TTN: variants seen among roughly 807,000 people sequenced by gnomAD.
The protein encoded by TTN is titin, also known as connectin.
Under a neutral mutation model 3,223.0 loss-of-function variants are expected in TTN, and 1,525 were observed. The ratio of observed to expected loss-of-function variants is 0.47; its 90% CI spans 0.45 to 0.49. The LOEUF is 0.49. Among genes scored for constraint, TTN ranks in the 20% least tolerant of loss-of-function variants. The pLI, the probability that TTN is intolerant of heterozygous loss-of-function variation, is 0.00. For missense variants in TTN, 40,786 were observed against 43,424.0 expected (o/e 0.94, Z 5.40); for synonymous variants, 14,094 against 15,161.0 (o/e 0.93, Z 5.17).
rs1488554546 is a variant in TTN, at chr2:178,588,973, C to G, written c.62752G>C (p.Val20918Leu). The G allele has an allele frequency of 3.1e-6, 5 of 1,612,370 alleles. No homozygotes were observed. The highest frequency in any genetic ancestry group is 4.2e-6 in the Non-Finnish European group (5 of 1,179,352). The change falls in exon 304 of 363, where the codon GTC (valine) becomes CTC (leucine). Residue 20918 changes from valine to leucine, a missense_variant. Transcript: ENST00000589042. ...GTTACTGTAGTACCAGGTGTCAAGA[C>G]AGTAGCAGAATAGGTAGACCAAACC... ...RMVWSTYSAT[V>L]LTPGTTVTRL...
In TTN at chr2:178,695,918, T is replaced by C. The variant is rs983453528; in HGVS notation, c.31154A>G (p.Glu10385Gly). The change falls in exon 114 of 363, where the codon GAA becomes GGA. Residue 10385 changes from glutamate (E) to glycine (G), a missense_variant. Physicochemically the swap from Glu to Gly is moderately conservative, Grantham distance 98 (BLOSUM62 -2). Transcript: ENST00000589042. Reference protein sequence around the residue: ...EGYDEGEEEWEEAYQEREVIQ... With the variant: ...EGYDEGEEEWGEAYQEREVIQ... ...TACTTCCCTTTCTTGGTAAGCCTCT[T>C]CCCACTCTTCCTCCCCTTCGTCATA... is the stretch of plus-strand genomic sequence containing the variant. 27 of 1,485,970 alleles carry C rather than the reference T, an allele frequency of 1.8e-5. No homozygotes were observed. Among genetic ancestry groups the C allele is most frequent in the Non-Finnish European group, 2.3e-5 (26 of 1,119,418 alleles). 92.0% of individuals were successfully genotyped at this position (1,485,970 alleles called of 1,614,324 possible).
rs1696828441 is a variant in TTN, at chr2:178,545,814, A to G, written c.95416+6T>C. On this transcript the variant is annotated splice_donor_region_variant and intron_variant, in intron 343 of 362. Transcript: ENST00000589042. ...TGTCAAATTATTTAAAAGTGTTAAT[A>G]CTTACTGAATGAGTTTCTGGCTACA... 6.2e-7 allele frequency: 1 copy of G among 1,612,388 alleles called. No homozygotes were observed. The highest frequency in any genetic ancestry group is 1.3e-5 in the African/African-American group (1 of 74,896).
chr2:178,584,725 C>T lies in TTN; in HGVS notation c.64916G>A (p.Arg21639Gln), dbSNP rs373282633. 4.4e-5 allele frequency: 71 copies of T among 1,613,358 alleles called. No homozygotes were observed. The highest frequency in any genetic ancestry group is 2.2e-4 in the East Asian group (10 of 44,832). The change falls in exon 310 of 363, where the codon CGA (arginine) becomes CAA (glutamine). Residue 21639 changes from arginine (R) to glutamine (Q), a missense_variant. Transcript: ENST00000589042. ...TGTGAGAGGCTCTGAAATGCCAAAT[C>T]GGTTTTCAGCACGGACCCGGAAGAT... ...EYIFRVRAEN[R>Q]FGISEPLTSP...
intron 127 of TTN, 23 bp from the exon 128 acceptor site, chr2:178,685,621 GA>G: frequency 6.2e-7 from 1 of 1,604,654 alleles, no homozygotes; most frequent in Non-Finnish European, 8.5e-7. Flanking sequence ...CAGTTTTAAA[GA>G]AGATAAATTA....
Position 178,723,880 on chromosome 2 carries a change from A to G in TTN, c.21379T>C (p.Cys7127Arg). 12 of 1,612,398 alleles carry G rather than the reference A, an allele frequency of 7.4e-6. No homozygotes were observed. The highest frequency in any genetic ancestry group is 1.0e-5 in the Non-Finnish European group (12 of 1,178,802). Residue 7127 changes from cysteine (C) to arginine (R), a missense_variant, in exon 73 of 363, where the codon TGT becomes CGT. Coordinates refer to ENST00000589042, the MANE Select transcript of TTN (RefSeq NM_001267550.2). ...VAANVAGSDE[C>R]RAVLTVQEPP... ...CCTTGTACAGTTAGCACTGCACGAC[A>G]TTCATCAGACCCAGCGACATTAGCA...
In TTN at chr2:178,721,868, A is replaced by G; in HGVS notation, c.22795T>C (p.Ser7599Pro). Residue 7599 changes from serine to proline, a missense_variant, in exon 78 of 363, where the codon TCA becomes CCA. Coordinates refer to ENST00000589042, the MANE Select transcript of TTN (RefSeq NM_001267550.2). ...ATNDVGKDMC[S>P]AQLSVKEPPK... ...ATACCTTTTACACTGAGCTGAGCTG[A>G]GCACATGTCTTTGCCAACATCATTG... 6.2e-7 allele frequency: 1 copy of G among 1,611,788 alleles called. No homozygotes were observed. Among genetic ancestry groups the G allele is most frequent in the East Asian group, 2.2e-5 (1 of 44,852 alleles).
At chr2:178,709,169 G>A (rs964144159) in intron 99 of TTN, among the ~76,000 whole-genome samples, 1 of 152,074 alleles carries the variant, frequency 6.6e-6, no homozygotes, top group African/African-American at 2.4e-5. Context: ...TTCAGACTGT[G>A]ATATAATATA....
Position 178,535,107 on chromosome 2 carries a change from A to G in TTN, c.101508T>C (p.Cys33836=), listed in dbSNP as rs758908171. ...ATGTCTTCTTTGAGGATGTTTCAAC[A>G]CAACGATGGACAATTCCAAACTCAC... ...GRGEFGIVHR[C]VETSSKKTYM... Residue 33836 remains cysteine (C), a synonymous_variant, in exon 358 of 363, where the codon TGT becomes TGC. Coordinates refer to ENST00000589042, the MANE Select transcript of TTN (RefSeq NM_001267550.2). 6 of 1,613,766 alleles carry G rather than the reference A, an allele frequency of 3.7e-6. No individual in the cohort carries two copies. In the Admixed American group the frequency reaches 6.7e-5, roughly 18 times the overall value.
Position 178,731,512 on chromosome 2 carries a change from T to C in TTN, c.17254A>G (p.Thr5752Ala), listed in dbSNP as rs774619432. The change falls in exon 59 of 363, where the codon ACT becomes GCT. Residue 5752 changes from threonine (T) to alanine (A), a missense_variant. Thr to Ala is a moderately conservative substitution (Grantham distance 58). Transcript: ENST00000589042. The stretch of plus-strand genomic sequence containing the variant: ...GTAATTGGCAAGGAGCCCTTCAGAG[T>C]GGCCTGGAAGGCAGCTGTGCCTCCC... Reference protein sequence around the residue: ...LRGGTAAFQATLKGSLPITVT... With the variant: ...LRGGTAAFQAALKGSLPITVT... The C allele has an allele frequency of 5.0e-6, 8 of 1,613,418 alleles. No homozygotes were observed. The South Asian group carries it at 5.5e-5, about 11-fold the overall frequency.
chr2:178,599,638 G>A lies in TTN; in HGVS notation c.56263C>T (p.Arg18755Cys), dbSNP rs143659933. The stretch of plus-strand genomic sequence containing the variant: ...GTATATAAGCCAGTGTCACTCCTGC[G>A]AGACTGCGGAATAACTAAAGTGCAA... ...DTCTLVIPQS[R>C]RSDTGLYTIT... The change falls in exon 289 of 363, where the codon CGC becomes TGC. Residue 18755 changes from arginine to cysteine, a missense_variant. Physicochemically the swap from Arg to Cys is radical, Grantham distance 180. Transcript: ENST00000589042. The A allele has an allele frequency of 1.8e-5, 29 of 1,612,640 alleles. No homozygotes were observed. Among genetic ancestry groups the A allele is most frequent in the East Asian group, 4.5e-5 (2 of 44,774 alleles).
At position 178,669,652 on chromosome 2, in the gene TTN, C is replaced by A; in HGVS notation, c.35410G>T (p.Val11804Phe). The change falls in exon 158 of 363, where the codon GTC becomes TTC. Residue 11804 changes from valine (V) to phenylalanine (F), a missense_variant. Physicochemically the swap from Val to Phe is conservative, Grantham distance 50. Transcript: ENST00000589042. ...GCTTCACGAACTTTTTCTTCTGGGA[C>A]AATTTTCTTGGGTACTTCGGGTGCT... Reference protein sequence around the residue: ...TKAPEVPKKIVPEEKVREAVL... With the variant: ...TKAPEVPKKIFPEEKVREAVL... 1 of 1,612,304 alleles carries A rather than the reference C, an allele frequency of 6.2e-7. No individual in the cohort carries two copies. Among genetic ancestry groups the A allele is most frequent in the Non-Finnish European group, 8.5e-7 (1 of 1,179,586 alleles).
chr2:178,729,445 CCT>C lies in TTN; in HGVS notation c.18709_18710del (p.Arg6237GlyfsTer18). ...PFEVTWLKNN[R>X]EIRSSKKYTL... The stretch of plus-strand genomic sequence containing the variant: ...TGTATTTTTTGCTGCTTCGAATTTC[CCT>C]GTTATTCTTCAGCCAAGTGACTTCA... On this transcript the variant is annotated frameshift_variant, in exon 64 of 363. Transcript: ENST00000589042. LOFTEE classifies it high-confidence loss of function. 1 of 1,613,590 alleles carries C rather than the reference CCT, an allele frequency of 6.2e-7. No individual in the cohort carries two copies. The highest frequency in any genetic ancestry group is 8.5e-7 in the Non-Finnish European group (1 of 1,179,634).
At position 178,778,972 on chromosome 2, in the gene TTN, T is replaced by C. The variant is rs1554011877; in HGVS notation, c.4110A>G (p.Lys1370=). The C allele has an allele frequency of 6.2e-7, 1 of 1,613,918 alleles. No individual in the cohort carries two copies. Among genetic ancestry groups the C allele is most frequent in the African/African-American group, 1.3e-5 (1 of 74,916 alleles). Residue 1370 remains lysine, a synonymous_variant, in exon 24 of 363, where the codon AAA becomes AAG. Coordinates refer to ENST00000589042, the MANE Select transcript of TTN (RefSeq NM_001267550.2). ...GIYTAFASNI[K]GNAICSGKLY... ...ATTTCCCTGAGCAAATTGCATTTCCTTTAATATTGCTGGCAAATGCAGTGT... is the reference window on the plus strand; with the variant it reads ...ATTTCCCTGAGCAAATTGCATTTCCCTTAATATTGCTGGCAAATGCAGTGT...
intron 240 of TTN, among the ~76,000 whole-genome samples, chr2:178,626,016 G>A (rs1002903266): frequency 6.6e-6 from 1 of 151,778 alleles, no homozygotes; most frequent in Non-Finnish European, 1.5e-5. Context: ...ACGTATATGT[G>A]TATATATATG....
At chr2:178,628,609 G>T (rs935891606) in intron 240 of TTN, among the ~76,000 whole-genome samples, 4 of 151,998 alleles carry the variant, frequency 2.6e-5, no homozygotes, top group Non-Finnish European at 5.9e-5. Flanking sequence ...AAAATCTTGG[G>T]CATAAAGAAT....
At chr2:178,667,952 A>G (rs980291661) in intron 159 of TTN, among the ~76,000 whole-genome samples, 2 of 152,152 alleles carry the variant, frequency 1.3e-5, no homozygotes, top group African/African-American at 4.8e-5. Flanking sequence ...GGAATTGTTC[A>G]GGCAAGGACT....
chr2:178,610,242 A>G lies in TTN; in HGVS notation c.51284T>C (p.Ile17095Thr). The part of the protein sequence containing the change: ...ERREAGRRTY[I>T]PVMSGENKLS... The stretch of plus-strand genomic sequence containing the variant: ...TTTGTTCTCACCAGACATGACTGGT[A>G]TATATGTTCTCCTCCCAGCTTCTCT... Residue 17095 changes from isoleucine (I) to threonine (T), a missense_variant, in exon 271 of 363, where the codon ATA becomes ACA. Coordinates refer to ENST00000589042, the MANE Select transcript of TTN (RefSeq NM_001267550.2). 2 of 1,613,022 alleles carry G rather than the reference A, an allele frequency of 1.2e-6. No homozygotes were observed. Among genetic ancestry groups the G allele is most frequent in the South Asian group, 1.1e-5 (1 of 91,058 alleles).
Position 178,578,842 on chromosome 2 carries a change from G to T in TTN, c.68188C>A (p.Leu22730Met), listed in dbSNP as rs1273726879. ...CTCGCAACAATTGGCTCCGATTTCA[G>T]GCCTTCCCCTACACCATATTTATTT... ...AENKYGVGEG[L>M]KSEPIVARHP... The change falls in exon 320 of 363, where the codon CTG (leucine) becomes ATG (methionine). Residue 22730 changes from leucine (L) to methionine (M), a missense_variant. Coordinates refer to ENST00000589042, the MANE Select transcript of TTN (RefSeq NM_001267550.2). 1 of 1,611,946 alleles carries T rather than the reference G, an allele frequency of 6.2e-7. No homozygotes were observed. The highest frequency in any genetic ancestry group is 1.1e-5 in the South Asian group (1 of 90,744).
At chr2:178,730,851 T>TG in intron 60 of TTN, 59 bp from the exon 61 acceptor site, 1 of 1,134,772 alleles carries the variant, frequency 8.8e-7, no homozygotes, top group South Asian at 1.7e-5. Context: ...TTTGTTTTTG[T>TG]TTTTTTTTTT....
Sources: allele counts gnomAD v4.1 joint callset (sites outside exome capture counted in the v4.1 genomes callset), GRCh38; gene constraint gnomAD v4.1.1; transcripts MANE v1.5; gene names NCBI Gene and HGNC (gene_info 2026-07-23, HGNC 2026-07-21).